Variants in PPFIA1 observed in about 807,000 individuals in gnomAD.
PPFIA1 encodes the protein liprin-alpha-1.
PPFIA1 carries 25 observed loss-of-function variants against 149.9 expected under a neutral mutation model. The observed-to-expected ratio is 0.17, with a 90% CI of 0.12 to 0.23. The LOEUF (loss-of-function observed/expected upper bound fraction) is 0.23. Ranked by LOEUF, PPFIA1 falls within the 10% of genes least tolerant of loss-of-function variation. The probability of loss-of-function intolerance (pLI) is 1.00; values close to 1 mark genes in which losing one functional copy is unlikely to be tolerated. For missense variants in PPFIA1, 1,362 were observed against 1,506.5 expected (o/e 0.90, Z 1.59); for synonymous variants, 549 against 552.8 (o/e 0.99, Z 0.10).
chr11:70,339,152 C>T lies in PPFIA1; in HGVS notation c.1572-19C>T. 6.2e-7 allele frequency: 1 copy of T among 1,611,838 alleles called. No homozygotes were observed. Among genetic ancestry groups the T allele is most frequent in the Non-Finnish European group, 8.5e-7 (1 of 1,179,494 alleles). On this transcript the variant is annotated intron_variant, in intron 13 of 27. Transcript: ENST00000253925. ...TTCTTTTCTTCTAATAATGATCATT[C>T]TTATTTTTCATGTTTCAGCCGACCC...
At chr11:70,380,591 C>T (rs992488196) in intron 26 of PPFIA1, among the ~76,000 whole-genome samples, 3 of 150,470 alleles carry the variant, frequency 2.0e-5, no homozygotes, top group Non-Finnish European at 4.4e-5. Flanking sequence ...AAAAATTTGC[C>T]AGGCATGGTG....
chr11:70,333,242 G>A lies in PPFIA1; in HGVS notation c.1213-228G>A, dbSNP rs754447505. On this transcript the variant is annotated intron_variant, in intron 9 of 27. Transcript: ENST00000253925. Reference sequence around the variant, plus strand: ...TTGGGGGGAAAACACCCAGTCAGTCGCCAGCAGCAGCCATGCTTCAGAATC... The same window carrying A: ...TTGGGGGGAAAACACCCAGTCAGTCACCAGCAGCAGCCATGCTTCAGAATC... 3.1e-5 allele frequency: 18 copies of A among 586,874 alleles called. 1 individual carries two copies. The highest frequency in any genetic ancestry group is 2.6e-4 in the South Asian group (15 of 56,822). The allele number at this position is 586,874 out of a possible 1,614,324, so 36.4% of individuals were successfully genotyped here.
chr11:70,355,397 T>C (rs2056304964), intron 17 of PPFIA1, among the ~76,000 whole-genome samples: 1 of 152,148 alleles, frequency 6.6e-6, no homozygotes, highest in African/African-American at 2.4e-5. Flanking sequence ...TGGCACCTGA[T>C]GGCGCGGAGT....
At chr11:70,310,934 C>A (rs1248282659) in intron 2 of PPFIA1, among the ~76,000 whole-genome samples, 1 of 152,062 alleles carries the variant, frequency 6.6e-6, no homozygotes, top group Non-Finnish European at 1.5e-5. Context: ...TTCTTAGGAG[C>A]GCTCAAGGTT....
intron 2 of PPFIA1, among the ~76,000 whole-genome samples, chr11:70,285,357 A>G (rs905807505): frequency 2.6e-5 from 4 of 152,142 alleles, no homozygotes; most frequent in African/African-American, 9.7e-5. Flanking sequence ...AGCCACTTCA[A>G]GTGCATGGGT....
intron 2 of PPFIA1, among the ~76,000 whole-genome samples, chr11:70,295,752 C>T (rs2051933321): frequency 6.6e-6 from 1 of 151,478 alleles, no homozygotes; most frequent in African/African-American, 2.4e-5. Flanking sequence ...CCCCCACCTC[C>T]CTCCCAGACG....
intron 2 of PPFIA1, among the ~76,000 whole-genome samples, chr11:70,306,351 G>A (rs12282678): frequency 0.22 from 33,309 of 152,042 alleles, 5,572 homozygotes; most frequent in African/African-American, 0.46. Context: ...GTTAAAGTAC[G>A]TAACCCTTTG....
chr11:70,330,932 G>A lies in PPFIA1; in HGVS notation c.1077+613G>A, dbSNP rs112102732. Among the ~76,000 whole-genome samples the A allele has an allele frequency of 3.2e-3, 488 of 152,052 alleles. 3 individuals are homozygous for A. Among genetic ancestry groups the A allele is most frequent in the African/African-American group, 0.011 (467 of 41,464 alleles). ...AGCCTGGGCCACAGAACGAGACCCC[G>A]TCTCTAAAATAAAAAATGCGGCCAG... On this transcript the variant is annotated intron_variant, in intron 8 of 27. Transcript: ENST00000253925.
At chr11:70,346,615 T>A (rs968850430) in intron 15 of PPFIA1, among the ~76,000 whole-genome samples, 8 of 152,104 alleles carry the variant, frequency 5.3e-5, no homozygotes, top group African/African-American at 1.9e-4. Flanking sequence ...AAATAATTAG[T>A]GTGATGAAGC....
intron 2 of PPFIA1, among the ~76,000 whole-genome samples, chr11:70,314,436 A>G (rs760357912): frequency 3.9e-5 from 6 of 152,140 alleles, no homozygotes; most frequent in South Asian, 4.1e-4. Flanking sequence ...TGGGTTTAGC[A>G]TTGTTTAGAA....
chr11:70,333,722 C>T (rs530380207), intron 10 of PPFIA1, among the ~76,000 whole-genome samples, 169 bp downstream of exon 10: 3 of 152,152 alleles, frequency 2.0e-5, no homozygotes, highest in Non-Finnish European at 4.4e-5. Context: ...CCTGCTAATG[C>T]GTACATCCCA....
chr11:70,279,201 A>G (rs1043317193), intron 2 of PPFIA1: 10 of 409,132 alleles, frequency 2.4e-5, no homozygotes, highest in African/African-American at 2.1e-4. Flanking sequence ...GTGTCAGTGA[A>G]TACGGCCCAC....
intron 2 of PPFIA1, among the ~76,000 whole-genome samples, chr11:70,298,688 G>T (rs2136311939): frequency 6.6e-6 from 1 of 152,228 alleles, no homozygotes; most frequent in Middle Eastern, 3.4e-3. Flanking sequence ...GGCTTCCCTG[G>T]GCTCGGGGAA....
intron 16 of PPFIA1, among the ~76,000 whole-genome samples, chr11:70,354,047 A>G (rs578162543): frequency 2.0e-5 from 3 of 152,102 alleles, no homozygotes; most frequent in Admixed American, 2.0e-4. Flanking sequence ...TGCATGGAGG[A>G]GGCTGAGGAT....
At chr11:70,309,645 AG>A (rs1341596761) in intron 2 of PPFIA1, among the ~76,000 whole-genome samples, 5 of 152,222 alleles carry the variant, frequency 3.3e-5, no homozygotes, top group Middle Eastern at 3.4e-3. Flanking sequence ...AAAAAAAAAA[AG>A]TTTTCCAAAA....
intron 11 of PPFIA1, among the ~76,000 whole-genome samples, chr11:70,337,133 A>T (rs564107642): frequency 9.8e-5 from 15 of 152,374 alleles, no homozygotes; most frequent in African/African-American, 3.6e-4. Context: ...TGAACTTGAC[A>T]TACCTACCTT....
intron 14 of PPFIA1, chr11:70,342,291 A>C (rs573397253): frequency 6.6e-6 from 1 of 152,326 alleles, no homozygotes; most frequent in South Asian, 2.1e-4. Flanking sequence ...CTCAGAGAGG[A>C]GGAAGGCCGA....
chr11:70,363,062 A>G (rs902677058), intron 21 of PPFIA1: 3 of 152,420 alleles, frequency 2.0e-5, no homozygotes, highest in Non-Finnish European at 2.9e-5. Context: ...TAACATTTGT[A>G]CTATATATAA....
At chr11:70,276,916 G>C (rs1187341965) in intron 2 of PPFIA1, among the ~76,000 whole-genome samples, 1 of 148,846 alleles carries the variant, frequency 6.7e-6, no homozygotes, top group Non-Finnish European at 1.5e-5. Flanking sequence ...TTGGGGGTTT[G>C]TCAATTTTGT....
Sources: gnomAD v4.1 joint callset for allele counts (sites outside exome capture counted in the v4.1 genomes callset) on GRCh38, gnomAD v4.1.1 for gene constraint, MANE v1.5 for transcripts, NCBI Gene and HGNC (gene_info 2026-07-23, HGNC 2026-07-21) for gene names.